The following MECOM variants were observed in gnomAD, a reference collection of about 807,000 sequenced individuals.
MECOM encodes the protein histone-lysine N-methyltransferase MECOM.
Under a neutral mutation model 116.3 loss-of-function variants are expected in MECOM, and 13 were observed. The ratio of observed to expected loss-of-function variants is 0.11; its 90% CI spans 0.07 to 0.18. The LOEUF (loss-of-function observed/expected upper bound fraction) is 0.18. MECOM is among the 10% of genes least tolerant of loss of function. The probability of loss-of-function intolerance (pLI) is 1.00; values close to 1 mark genes in which losing one functional copy is unlikely to be tolerated. For missense variants in MECOM, 1,299 were observed against 1,509.0 expected, an observed-to-expected ratio of 0.86 and a Z score of 2.31; for synonymous variants, 528 against 535.2, an observed-to-expected ratio of 0.99 and a Z score of 0.19.
chr3:169,452,504 A>G (rs1745780608), intron 1 of MECOM, among the ~76,000 whole-genome samples: 1 of 152,166 alleles, frequency 6.6e-6, no homozygotes, highest in South Asian at 2.1e-4. Context: ...TTGTATTGGA[A>G]TTTGTTGATT....
chr3:169,548,753 G>A (rs1761023342), intron 1 of MECOM, among the ~76,000 whole-genome samples: 1 of 152,162 alleles, frequency 6.6e-6, no homozygotes, highest in African/African-American at 2.4e-5. Flanking sequence ...AAAAGAACAG[G>A]AGGAGAGACA....
chr3:169,112,604 T>A (rs1191490425), intron 9 of MECOM, among the ~76,000 whole-genome samples, 183 bp downstream of exon 9: 2 of 152,160 alleles, frequency 1.3e-5, no homozygotes, highest in Middle Eastern at 3.2e-3. Flanking sequence ...TTTTTACACA[T>A]ATATTAACTA....
chr3:169,350,503 A>G (rs560184231), intron 2 of MECOM, among the ~76,000 whole-genome samples: 1 of 152,114 alleles, frequency 6.6e-6, no homozygotes, highest in African/African-American at 2.4e-5. Flanking sequence ...CAGTAGCCAC[A>G]TGCAGCTACT....
rs534503513 is a variant in MECOM, at chr3:169,631,983, C to T, written c.37+31353G>A. Among the ~76,000 whole-genome samples, 40 of 152,210 alleles carry T rather than the reference C, an allele frequency of 2.6e-4. No individual in the cohort carries two copies. The East Asian group carries it at 6.8e-3, about 26-fold the overall frequency. On this transcript the variant is annotated intron_variant, in intron 1 of 16. Coordinates refer to ENST00000651503, the MANE Select transcript of MECOM (RefSeq NM_004991.4). ...TTCATTTTTCCCATCTCAGGTAGAA[C>T]AGCAGCATTTTGAATCTTTCTCTAC...
In MECOM at chr3:169,100,101, CTTTTT is replaced by C. The variant is rs869032341; in HGVS notation, c.2849+779_2849+783del. Among the ~76,000 whole-genome samples, 8 of 50,650 alleles carry C rather than the reference CTTTTT, an allele frequency of 1.6e-4. No homozygotes were observed. The East Asian group carries it at 6.1e-3, about 39-fold the overall frequency. The allele number at this position is 50,650 out of a possible 152,430, so 33.2% of individuals were successfully genotyped here. ...TTTTTCTTTCTTTCTTTCTTTCTTT[CTTTTT>C]TTTTTTTTTTTTGACAGAGTCTCAC... is the stretch of plus-strand genomic sequence containing the variant. On this transcript the variant is annotated intron_variant, in intron 12 of 16. Coordinates refer to ENST00000651503, the MANE Select transcript of MECOM (RefSeq NM_004991.4).
At chr3:169,429,192 G>C (rs992143346) in intron 1 of MECOM, among the ~76,000 whole-genome samples, 1 of 152,180 alleles carries the variant, frequency 6.6e-6, no homozygotes, top group Admixed American at 6.5e-5. Context: ...CAGATATGCT[G>C]TATATAAGCT....
chr3:169,355,904 T>G (rs1231746145), intron 2 of MECOM, among the ~76,000 whole-genome samples: 2 of 151,866 alleles, frequency 1.3e-5, no homozygotes, highest in Admixed American at 1.3e-4. Flanking sequence ...TTGATTTTCA[T>G]GAAAGGATTG....
At chr3:169,145,464 T>A in intron 2 of MECOM, 1 of 233,422 alleles carries the variant, frequency 4.3e-6, no homozygotes, top group East Asian at 6.1e-5. Flanking sequence ...CTGGGTTTTG[T>A]TGGTTTGTTC....
intron 1 of MECOM, among the ~76,000 whole-genome samples, chr3:169,620,250 C>T (rs1770552114): frequency 6.6e-6 from 1 of 152,228 alleles, no homozygotes; most frequent in African/African-American, 2.4e-5. Context: ...AACCCTCTGG[C>T]TTCCAATGCC....
rs1206106926 is a variant in MECOM, at chr3:169,116,754, C to A, written c.1133-15G>T. The A allele has an allele frequency of 2.6e-6, 4 of 1,556,122 alleles. No individual in the cohort carries two copies. The highest frequency in any genetic ancestry group is 2.0e-5 in the Admixed American group (1 of 49,032). ...GCAGACCTCACCTGTGTGCAAACAA[C>A]AAAAAAGAATCTCAGGCTTTATGTC... is the stretch of plus-strand genomic sequence containing the variant. On this transcript the variant is annotated splice_polypyrimidine_tract_variant and intron_variant, in intron 7 of 16. Transcript: ENST00000651503.
chr3:169,195,370 T>C (rs1331331952), intron 2 of MECOM, among the ~76,000 whole-genome samples: 2 of 152,074 alleles, frequency 1.3e-5, no homozygotes, highest in Non-Finnish European at 2.9e-5. Context: ...GTTTGTAGAA[T>C]GTGACTAAAG....
chr3:169,179,591 T>C (rs756934252), intron 2 of MECOM, among the ~76,000 whole-genome samples: 3 of 152,142 alleles, frequency 2.0e-5, no homozygotes, highest in Non-Finnish European at 2.9e-5. Context: ...AACAAGAATG[T>C]AACAATAGGG....
At chr3:169,627,098 A>C (rs1771473615) in intron 1 of MECOM, among the ~76,000 whole-genome samples, 1 of 152,244 alleles carries the variant, frequency 6.6e-6, no homozygotes, top group South Asian at 2.1e-4. Context: ...AAATTACAGC[A>C]GTCAAAAAAG....
chr3:169,531,917 A>G (rs1399479183), intron 1 of MECOM, among the ~76,000 whole-genome samples: 2 of 152,188 alleles, frequency 1.3e-5, no homozygotes, highest in African/African-American at 4.8e-5. Context: ...CAAGTTTTAG[A>G]TCAAAAGGAT....
At chr3:169,526,125 T>C (rs947696760) in intron 1 of MECOM, among the ~76,000 whole-genome samples, 2 of 152,154 alleles carry the variant, frequency 1.3e-5, no homozygotes, top group African/African-American at 4.8e-5. Flanking sequence ...AAACAATAGT[T>C]GACTCAGGAT....
intron 1 of MECOM, among the ~76,000 whole-genome samples, chr3:169,480,006 G>T (rs1274702043): frequency 6.6e-6 from 1 of 152,168 alleles, no homozygotes; most frequent in Non-Finnish European, 1.5e-5. Flanking sequence ...TCTGACTCCA[G>T]ATTCGATGTA....
At chr3:169,106,294 A>G (rs950502488) in intron 10 of MECOM, among the ~76,000 whole-genome samples, 2 of 152,068 alleles carry the variant, frequency 1.3e-5, no homozygotes, top group East Asian at 3.9e-4. Flanking sequence ...GAAATCACTT[A>G]GTTTTTTCTT....
At chr3:169,239,017 A>G (rs562467288) in intron 2 of MECOM, among the ~76,000 whole-genome samples, 17 of 152,132 alleles carry the variant, frequency 1.1e-4, no homozygotes, top group Non-Finnish European at 2.4e-4. Flanking sequence ...AACACTATAT[A>G]TTTTTTGAAA....
chr3:169,140,903 A>C (rs935801263), intron 3 of MECOM, among the ~76,000 whole-genome samples: 1 of 152,048 alleles, frequency 6.6e-6, no homozygotes, highest in East Asian at 1.9e-4. Context: ...TTCTTCACCC[A>C]CAAAGAAATC....
Sources: allele counts gnomAD v4.1 joint callset (sites outside exome capture counted in the v4.1 genomes callset), GRCh38; gene constraint gnomAD v4.1.1; transcripts MANE v1.5; gene names NCBI Gene and HGNC (gene_info 2026-07-23, HGNC 2026-07-21).